Variants in HMCN2 observed in about 807,000 individuals in gnomAD.
HMCN2 encodes hemicentin-2.
In HMCN2, 325 loss-of-function variants were observed where a neutral mutation model predicts 377.5. That is an observed-to-expected ratio of 0.86 (90% confidence interval 0.79 to 0.94). The LOEUF is 0.94. Ranked by LOEUF, HMCN2 falls within the 40% of genes least tolerant of loss-of-function variation. The pLI is 0.00. For synonymous variants in HMCN2, 2,007 were observed against 2,046.8 expected (o/e 0.98, Z 0.53); for missense variants, 4,543 against 4,725.3 (o/e 0.96, Z 1.13).
intron 40 of HMCN2, among the ~76,000 whole-genome samples, chr9:130,364,191 C>T (rs182624265): frequency 3.1e-4 from 47 of 152,272 alleles, no homozygotes; most frequent in African/African-American, 1.1e-3. Flanking sequence ...TTTTCATTAT[C>T]CCCACTTTAC....
intron 29 of HMCN2, among the ~76,000 whole-genome samples, chr9:130,350,583 A>T (rs1473105701): frequency 6.7e-6 from 1 of 148,612 alleles, no homozygotes; most frequent in Non-Finnish European, 1.5e-5. Context: ...ACATACAATT[A>T]GCCATTTTAA....
rs1200906916 is a variant in HMCN2, at chr9:130,417,534, AAAAC to A, written c.12962-1234_12962-1231del. The stretch of plus-strand genomic sequence containing the variant: ...GAGACTCCGTCTCAAAAAAAAAAAA[AAAAC>A]AAAAAAAAACGAGAGAGACAGAGAG... On this transcript the variant is annotated intron_variant, in intron 85 of 97. Coordinates refer to ENST00000683500, the MANE Select transcript of HMCN2 (RefSeq NM_001291815.2). 9.2e-3 allele frequency among the ~76,000 whole-genome samples: 1,337 copies of A among 144,768 alleles called. 21 individuals are homozygous for A. The highest frequency in any genetic ancestry group is 0.041 in the East Asian group (195 of 4,716). 95.0% of individuals were successfully genotyped at this position (144,768 alleles called of 152,430 possible). A position where few individuals can be genotyped will look rare whatever the true frequency, so the allele number is the denominator to read the frequency against.
At chr9:130,421,501 G>A (rs1359836487) in intron 86 of HMCN2, among the ~76,000 whole-genome samples, 2 of 152,130 alleles carry the variant, frequency 1.3e-5, no homozygotes, top group Admixed American at 6.5e-5. Flanking sequence ...AGGCTGCTAC[G>A]TCACTCCATG....
At chr9:130,353,767 C>T (rs1021937568) in intron 31 of HMCN2, among the ~76,000 whole-genome samples, 6 of 152,184 alleles carry the variant, frequency 3.9e-5, no homozygotes, top group African/African-American at 7.2e-5. Flanking sequence ...AGCATCAGCT[C>T]AGCCCTGAGG....
chr9:130,339,674 A>G lies in HMCN2; in HGVS notation c.3488-1437A>G, dbSNP rs1281516762. On this transcript the variant is annotated intron_variant, in intron 23 of 97. Transcript: ENST00000683500. ...ATTGTGGGCATTGAATGCTCAGAAC[A>G]ATGGAAGCTGTTATTGTTTTCAGCG... Among the ~76,000 whole-genome samples the G allele has an allele frequency of 9.8e-5, 15 of 152,328 alleles. No individual in the cohort carries two copies. In the East Asian group the frequency reaches 2.5e-3, roughly 25 times the overall value.
intron 36 of HMCN2, among the ~76,000 whole-genome samples, chr9:130,358,896 G>A (rs907183360): frequency 6.6e-6 from 1 of 152,296 alleles, no homozygotes; most frequent in Non-Finnish European, 1.5e-5. Flanking sequence ...GGATGGTCTC[G>A]ATCTCCTGAC....
At chr9:130,297,678 G>A (rs1372849789) in intron 7 of HMCN2, among the ~76,000 whole-genome samples, 2 of 152,214 alleles carry the variant, frequency 1.3e-5, no homozygotes, top group Non-Finnish European at 2.9e-5. Flanking sequence ...CTGCTCTAAT[G>A]TTTGTTATTC....
chr9:130,306,429 G>A (rs182749382), intron 12 of HMCN2, among the ~76,000 whole-genome samples, 159 bp downstream of exon 12: 33 of 152,300 alleles, frequency 2.2e-4, no homozygotes, highest in African/African-American at 7.7e-4. Context: ...GATCACTTTG[G>A]AAACATAAGA....
intron 41 of HMCN2, 50 bp from the exon 42 acceptor site, chr9:130,365,581 C>T (rs1486592675): frequency 1.1e-6 from 1 of 890,068 alleles, no homozygotes; most frequent in African/African-American, 1.8e-5. Flanking sequence ...GTCCAGGGCT[C>T]ACCCATCTCT....
intron 22 of HMCN2, among the ~76,000 whole-genome samples, chr9:130,328,437 G>A (rs1490613102): frequency 2.0e-5 from 3 of 152,148 alleles, no homozygotes; most frequent in Admixed American, 2.0e-4. Context: ...TACTGAAACG[G>A]GAACCGCATT....
rs923562934 is a variant in HMCN2 at position 130,423,798 on chromosome 9, C to T, written c.13382-978C>T. Among the ~76,000 whole-genome samples the T allele has an allele frequency of 1.3e-5, 2 of 152,098 alleles. No individual in the cohort carries two copies. Among genetic ancestry groups the T allele is most frequent in the South Asian group, 2.1e-4 (1 of 4,830 alleles). ...GCCATTTTTTGGTTCTTTTTTCAAA[C>T]GGTTTGGAACAAACCGGGGCTGGTC... On this transcript the variant is annotated intron_variant, in intron 87 of 97. Transcript: ENST00000683500. This position sits in a 1 kb window ranked among gnomAD's most constrained non-coding sequence, Gnocchi z 5.5.
At position 130,433,803 on chromosome 9, in the gene HMCN2, C is replaced by G; in HGVS notation, c.*110C>G. ...CAAGCGGAGCGTCATCGTCTCCCGC[C>G]CCGTGCGTCAGCGAGACCTTGGGTC... On this transcript the variant is annotated 3_prime_UTR_variant, in exon 98 of 98. Coordinates refer to ENST00000683500, the MANE Select transcript of HMCN2 (RefSeq NM_001291815.2). The G allele has an allele frequency of 2.2e-6, 2 of 921,118 alleles. No homozygotes were observed. 57.1% of individuals were successfully genotyped at this position (921,118 alleles called of 1,614,324 possible).
intron 1 of HMCN2, among the ~76,000 whole-genome samples, chr9:130,277,809 C>T (rs1588158121): frequency 1.1e-5 from 1 of 93,898 alleles, no homozygotes; most frequent in Non-Finnish European, 2.2e-5. Context: ...TCACCACCAC[C>T]ACCATCATCA....
intron 40 of HMCN2, among the ~76,000 whole-genome samples, chr9:130,364,354 G>T (rs1840573905): frequency 6.6e-6 from 1 of 152,152 alleles, no homozygotes; most frequent in Admixed American, 6.5e-5. Context: ...TTGCTTCAGG[G>T]GCAAAAGGTG....
At position 130,285,913 on chromosome 9, in the gene HMCN2, C is replaced by T. The variant is rs187589301; in HGVS notation, c.490-275C>T. ...TCTGAGATGAGTCGACTTCCACGCT[C>T]GTCTTTATTGTTGATTTAATAGCAG... On this transcript the variant is annotated intron_variant, in intron 3 of 97. Transcript: ENST00000683500. Among the ~76,000 whole-genome samples the T allele has an allele frequency of 2.7e-4, 41 of 152,304 alleles. No homozygotes were observed. The East Asian group carries it at 6.6e-3, about 24-fold the overall frequency.
chr9:130,346,240 T>C (rs1183700962), intron 25 of HMCN2, among the ~76,000 whole-genome samples: 2 of 152,092 alleles, frequency 1.3e-5, no homozygotes, highest in Non-Finnish European at 2.9e-5. Context: ...CTGCGACCTC[T>C]GGGCAGTGTG....
intron 11 of HMCN2, among the ~76,000 whole-genome samples, chr9:130,305,573 A>G (rs1010495378): frequency 6.6e-6 from 1 of 152,146 alleles, no homozygotes; most frequent in African/African-American, 2.4e-5. Flanking sequence ...GTTGGGCAGG[A>G]TTCTGAGGCT....
At chr9:130,363,198 G>A (rs895500697) in intron 40 of HMCN2, among the ~76,000 whole-genome samples, 2 of 152,210 alleles carry the variant, frequency 1.3e-5, no homozygotes, top group Non-Finnish European at 2.9e-5. Flanking sequence ...TGGGCAGGTG[G>A]CCCCGCATAG....
At chr9:130,329,439 CTTTT>C (rs869081836) in intron 22 of HMCN2, among the ~76,000 whole-genome samples, 1 of 105,828 alleles carries the variant, frequency 9.4e-6, no homozygotes, top group Non-Finnish European at 1.8e-5. Flanking sequence ...AATAGCCTCA[CTTTT>C]TTTTTTTTTT....
Sources: gnomAD v4.1 joint callset for allele counts (sites outside exome capture counted in the v4.1 genomes callset) on GRCh38, gnomAD v4.1.1 for gene constraint, Gnocchi (gnomAD v3.1) non-coding constraint, MANE v1.5 for transcripts, NCBI Gene and HGNC (gene_info 2026-07-23, HGNC 2026-07-21) for gene names.